The following CPA1 variants were observed in gnomAD, a reference collection of about 807,000 sequenced individuals.
CPA1 encodes the protein carboxypeptidase A1, also known as carboxypeptidase A1 (pancreatic).
A neutral mutation model predicts 48.7 loss-of-function variants in CPA1; 42 were observed. The observed-to-expected ratio is 0.86, with a 90% CI of 0.67 to 1.11. The LOEUF (loss-of-function observed/expected upper bound fraction) is 1.11. Among genes scored for constraint, CPA1 ranks in the 50% most tolerant of loss-of-function variants. The pLI is 0.00. For missense variants in CPA1, 477 were observed against 544.7 expected, an observed-to-expected ratio of 0.88 and a Z score of 1.24; for synonymous variants, 203 against 217.9, an observed-to-expected ratio of 0.93 and a Z score of 0.60.
chr7:130,388,099 G>A lies in CPA1; in HGVS notation c.*88G>A. The A allele has an allele frequency of 7.4e-7, 1 of 1,360,222 alleles. No homozygotes were observed. The highest frequency in any genetic ancestry group is 1.0e-6 in the Non-Finnish European group (1 of 961,210). The allele number at this position is 1,360,222 out of a possible 1,614,324, so 84.3% of individuals were successfully genotyped here. A position where few individuals can be genotyped will look rare whatever the true frequency, so the allele number is the denominator to read the frequency against. On this transcript the variant is annotated 3_prime_UTR_variant, in exon 10 of 10. Coordinates refer to ENST00000011292, the MANE Select transcript of CPA1 (RefSeq NM_001868.4). ...TTGAGTGTACCAGGAACAGAATCCT[G>A]GGGCTTGCATGTGGAGTGTCTGCCT... is the stretch of plus-strand genomic sequence containing the variant.
At position 130,383,399 on chromosome 7, in the gene CPA1, G is replaced by A. The variant is rs369058363; in HGVS notation, c.492G>A (p.Thr164=). The A allele has an allele frequency of 1.6e-4, 264 of 1,613,578 alleles. No individual in the cohort carries two copies. The highest frequency in any genetic ancestry group is 1.9e-4 in the Non-Finnish European group (226 of 1,179,698). The part of the protein sequence containing the change: ...GRPIYVLKFS[T]GGSKRPAIWI... ...CCCTGCCTCCTCTCCAGTTCAGCACGGGGGGCAGTAAGCGTCCAGCCATCT... is the reference window on the plus strand; with the variant it reads ...CCCTGCCTCCTCTCCAGTTCAGCACAGGGGGCAGTAAGCGTCCAGCCATCT... Residue 164 remains threonine (T), a synonymous_variant, in exon 5 of 10, where the codon ACG becomes ACA. Transcript: ENST00000011292.
At position 130,387,604 on chromosome 7, in the gene CPA1, A is replaced by T. The variant is rs1222689417; in HGVS notation, c.1073-220A>T. ...CTTGCATCCCCTAGTGAATAGGGGA[A>T]CCATTGCTGGTCTCCTCTTTGGACC... On this transcript the variant is annotated intron_variant, in intron 9 of 9. Transcript: ENST00000011292. This position sits in a 1 kb window ranked among gnomAD's most constrained non-coding sequence, Gnocchi z 4.6. Among the ~76,000 whole-genome samples, 3 of 152,138 alleles carry T rather than the reference A, an allele frequency of 2.0e-5. No homozygotes were observed. The highest frequency in any genetic ancestry group is 7.2e-5 in the African/African-American group (3 of 41,436).
At chr7:130,382,015 G>A in intron 3 of CPA1, 93 bp from the exon 4 acceptor site, 1 of 1,230,616 alleles carries the variant, frequency 8.1e-7, no homozygotes, top group Non-Finnish European at 1.2e-6. Flanking sequence ...CCATTGCAGG[G>A]CTCGCAGCAG....
chr7:130,385,106 CT>C, intron 7 of CPA1, 39 bp from the exon 8 acceptor site: 1 of 1,597,278 alleles, frequency 6.3e-7, no homozygotes, highest in South Asian at 1.1e-5. Flanking sequence ...GCCACAGAAG[CT>C]GGAGGAGCCA....
At chr7:130,384,258 C>T in intron 6 of CPA1, 1 of 530,344 alleles carries the variant, frequency 1.9e-6, no homozygotes, top group Non-Finnish European at 3.4e-6. Flanking sequence ...ATATAGAACC[C>T]TCTGGCCAAA....
In CPA1 at chr7:130,384,557, C is replaced by G. The variant is rs200036285; in HGVS notation, c.718C>G (p.Arg240Gly). The G allele has an allele frequency of 1.9e-6, 3 of 1,614,108 alleles. No individual in the cohort carries two copies. Among genetic ancestry groups the G allele is most frequent in the African/African-American group, 2.7e-5 (2 of 74,944 alleles). Residue 240 changes from arginine to glycine, a missense_variant, in exon 7 of 10, where the codon CGG (arginine) becomes GGG (glycine). By Grantham distance (125) the Arg-to-Gly change is moderately radical. Coordinates refer to ENST00000011292, the MANE Select transcript of CPA1 (RefSeq NM_001868.4). ...TCAGAATCGCATGTGGCGCAAGACT[C>G]GGTCCCACACAGCAGGCTCCCTCTG... ...HSTNRMWRKTRSHTAGSLCIG... is the reference protein window; with the variant it reads ...HSTNRMWRKTGSHTAGSLCIG...
At position 130,387,852 on chromosome 7, in the gene CPA1, G is replaced by T; in HGVS notation, c.1101G>T (p.Trp367Cys). 11 of 1,614,076 alleles carry T rather than the reference G, an allele frequency of 6.8e-6. No homozygotes were observed. Among genetic ancestry groups the T allele is most frequent in the Non-Finnish European group, 9.3e-6 (11 of 1,180,028 alleles). ...IYQASGSTID[W>C]TYSQGIKYSF... ...AAGCCAGTGGAAGCACTATTGACTG[G>T]ACCTACAGCCAGGGCATCAAGTACT... Residue 367 changes from tryptophan (W) to cysteine (C), a missense_variant, in exon 10 of 10, where the codon TGG (tryptophan) becomes TGT (cysteine). Physicochemically the swap from Trp to Cys is radical, Grantham distance 215 (BLOSUM62 -2). Transcript: ENST00000011292. This position sits in a 1 kb window ranked among gnomAD's most constrained non-coding sequence, Gnocchi z 4.6.
intron 3 of CPA1, 74 bp from the exon 4 acceptor site, chr7:130,382,034 G>A: frequency 1.5e-6 from 2 of 1,327,700 alleles, no homozygotes; most frequent in Admixed American, 1.8e-5. Flanking sequence ...AGGCTGGGAC[G>A]GTGGGGCTGC....
rs544170970 is a variant in CPA1, at chr7:130,384,328, C to T, written c.697-208C>T. 5.1e-6 allele frequency: 3 copies of T among 589,198 alleles called. No homozygotes were observed. In the Admixed American group the frequency reaches 9.0e-5, roughly 18 times the overall value. 36.5% of individuals were successfully genotyped at this position (589,198 alleles called of 1,614,324 possible). ...CGATGCCCCCTCTGCTGATCTTCCT[C>T]CCCGACAACCAGCTGGGAGTGGATC... is the stretch of plus-strand genomic sequence containing the variant. On this transcript the variant is annotated intron_variant, in intron 6 of 9. Transcript: ENST00000011292.
In CPA1 at chr7:130,380,872, A is replaced by T. The variant is rs978052724; in HGVS notation, c.66-226A>T. The T allele has an allele frequency of 8.4e-6, 5 of 593,798 alleles. No homozygotes were observed. In the Admixed American group the frequency reaches 9.0e-5, roughly 11 times the overall value. 36.8% of individuals were successfully genotyped at this position (593,798 alleles called of 1,614,324 possible). A position where few individuals can be genotyped will look rare whatever the true frequency, so the allele number is the denominator to read the frequency against. Reference sequence around the variant, plus strand: ...GAACAGAGAAATAGTCCAAACTGGGATTGAGATAGTAACAGCGTCTAGAAG... The same window carrying T: ...GAACAGAGAAATAGTCCAAACTGGGTTTGAGATAGTAACAGCGTCTAGAAG... On this transcript the variant is annotated intron_variant, in intron 1 of 9. Transcript: ENST00000011292.
At chr7:130,383,881 C>T (rs782430212) in intron 6 of CPA1, 87 bp downstream of exon 6, 1 of 1,017,884 alleles carries the variant, frequency 9.8e-7, no homozygotes, top group Non-Finnish European at 1.6e-6. Context: ...ATCTCAAGCC[C>T]CAGAAGTCAA....
At position 130,385,037 on chromosome 7, in the gene CPA1, G is replaced by A. The variant is rs1341540462; in HGVS notation, c.788-109G>A. 4.6e-6 allele frequency: 5 copies of A among 1,081,294 alleles called. No homozygotes were observed. The East Asian group carries it at 1.2e-4, about 26-fold the overall frequency. 67.0% of individuals were successfully genotyped at this position (1,081,294 alleles called of 1,614,324 possible). ...TGGGCTTTCCTGAATCCAGGGGTGG[G>A]AGTGAGCCCTTCCATACCACCTCAC... On this transcript the variant is annotated intron_variant, in intron 7 of 9. Transcript: ENST00000011292.
Position 130,387,823 on chromosome 7 carries a change from G to C in CPA1, c.1073-1G>C. On this transcript the variant is annotated splice_acceptor_variant, in intron 9 of 9. Transcript: ENST00000011292. LOFTEE classifies it high-confidence loss of function. The surrounding 1 kb of genome is among the most constrained non-coding windows in gnomAD (Gnocchi z 4.6). ...TCTCTCCTATTTTACTCCTGCCCCA[G>C]ATCAAGCCAGTGGAAGCACTATTGA... 6.2e-7 allele frequency: 1 copy of C among 1,613,720 alleles called. No homozygotes were observed. The highest frequency in any genetic ancestry group is 8.5e-7 in the Non-Finnish European group (1 of 1,179,808).
At chr7:130,382,277 G>A in intron 4 of CPA1, 68 bp downstream of exon 4, 2 of 1,211,278 alleles carry the variant, frequency 1.7e-6, no homozygotes, top group Non-Finnish European at 2.4e-6. Context: ...ATGGGCGTGG[G>A]CTCTCCCGGG....
Position 130,387,778 on chromosome 7 carries a change from T to C in CPA1, c.1073-46T>C. On this transcript the variant is annotated intron_variant, in intron 9 of 9. Coordinates refer to ENST00000011292, the MANE Select transcript of CPA1 (RefSeq NM_001868.4). The surrounding 1 kb of genome is among the most constrained non-coding windows in gnomAD (Gnocchi z 4.6). Reference sequence around the variant, plus strand: ...TCGTTAACCCAACCCGTGTAAATATTCCCAAAGTGATTGACCCTTTCTCTC... The same window carrying C: ...TCGTTAACCCAACCCGTGTAAATATCCCCAAAGTGATTGACCCTTTCTCTC... The C allele has an allele frequency of 6.4e-7, 1 of 1,569,898 alleles. No homozygotes were observed. The highest frequency in any genetic ancestry group is 8.7e-7 in the Non-Finnish European group (1 of 1,143,514).
At position 130,382,128 on chromosome 7, in the gene CPA1, G is replaced by A. The variant is rs1175155976; in HGVS notation, c.402G>A (p.Leu134=). 6.2e-7 allele frequency: 1 copy of A among 1,614,216 alleles called. No individual in the cohort carries two copies. Among genetic ancestry groups the A allele is most frequent in the Non-Finnish European group, 8.5e-7 (1 of 1,180,012 alleles). The stretch of plus-strand genomic sequence containing the variant: ...CTCAGATCTATGACTTCCTGGACCT[G>A]CTGGTGGCGGAGAACCCGCACCTTG... ...TLEEIYDFLD[L]LVAENPHLVS... The change falls in exon 4 of 10, where the codon CTG becomes CTA. Residue 134 remains leucine (L), a synonymous_variant. Transcript: ENST00000011292.
In CPA1 at chr7:130,383,723, A is replaced by G. The variant is rs782417364; in HGVS notation, c.625A>G (p.Ile209Val). 5.6e-6 allele frequency: 9 copies of G among 1,614,196 alleles called. No homozygotes were observed. Among genetic ancestry groups the G allele is most frequent in the Middle Eastern group, 1.6e-4 (1 of 6,062 alleles). ...CGGGCAGGATGCAGCTTTCACCGCC[A>G]TTCTCGACACCTTGGACATCTTCCT... is the stretch of plus-strand genomic sequence containing the variant. ...DYGQDAAFTAILDTLDIFLEI... is the reference protein window; with the variant it reads ...DYGQDAAFTAVLDTLDIFLEI... Residue 209 changes from isoleucine to valine, a missense_variant, in exon 6 of 10, where the codon ATT becomes GTT. Coordinates refer to ENST00000011292, the MANE Select transcript of CPA1 (RefSeq NM_001868.4).
Position 130,381,247 on chromosome 7 carries a change from C to T in CPA1, c.147+68C>T, listed in dbSNP as rs909956014. 14 of 1,164,566 alleles carry T rather than the reference C, an allele frequency of 1.2e-5. No individual in the cohort carries two copies. In the Admixed American group the frequency reaches 1.5e-4, roughly 12 times the overall value. The allele number at this position is 1,164,566 out of a possible 1,614,324, so 72.1% of individuals were successfully genotyped here. A position where few individuals can be genotyped will look rare whatever the true frequency, so the allele number is the denominator to read the frequency against. On this transcript the variant is annotated intron_variant, in intron 2 of 9. Coordinates refer to ENST00000011292, the MANE Select transcript of CPA1 (RefSeq NM_001868.4). Reference sequence around the variant, plus strand: ...AGCTGGGGCCACCCCAGGTCCCCAGCGGCCAACTGTGCCTGGGCTGTCTCC... The same window carrying T: ...AGCTGGGGCCACCCCAGGTCCCCAGTGGCCAACTGTGCCTGGGCTGTCTCC...
At chr7:130,382,232 C>T (rs1359571036) in intron 4 of CPA1, 23 bp downstream of exon 4, 1 of 1,583,654 alleles carries the variant, frequency 6.3e-7, no homozygotes, top group Admixed American at 1.7e-5. Flanking sequence ...TGTGGACATA[C>T]ACAGGGGAGA....
Sources: gnomAD v4.1 joint callset for allele counts (sites outside exome capture counted in the v4.1 genomes callset) on GRCh38, gnomAD v4.1.1 for gene constraint, Gnocchi (gnomAD v3.1) non-coding constraint, MANE v1.5 for transcripts, NCBI Gene and HGNC (gene_info 2026-07-23, HGNC 2026-07-21) for gene names.